BORA: variants seen among roughly 807,000 people sequenced by gnomAD.
The protein encoded by BORA is BORA aurora kinase A activator, also known as protein aurora borealis.
BORA carries 26 observed loss-of-function variants against 55.8 expected under a neutral mutation model. The observed-to-expected ratio is 0.47, with a 90% CI of 0.34 to 0.65. The LOEUF (loss-of-function observed/expected upper bound fraction) is 0.65, where lower values mean the gene tolerates loss of function less well. Ranked by LOEUF, BORA falls within the 30% of genes least tolerant of loss-of-function variation. The pLI is 0.01. For synonymous variants in BORA, 201 were observed against 216.9 expected, an observed-to-expected ratio of 0.93 and a Z score of 0.64; for missense variants, 568 against 671.5, an observed-to-expected ratio of 0.85 and a Z score of 1.70.
At chr13:72,729,875 T>C (rs900761657) in intron 2 of BORA, among the ~76,000 whole-genome samples, 1 of 152,150 alleles carries the variant, frequency 6.6e-6, no homozygotes, top group African/African-American at 2.4e-5. Flanking sequence ...GGCAGTGTGA[T>C]AGGTGATATG....
chr13:72,739,795 A>G (rs907332481), intron 5 of BORA, among the ~76,000 whole-genome samples: 30 of 152,184 alleles, frequency 2.0e-4, no homozygotes, highest in Admixed American at 8.5e-4. Context: ...TTTATTACTT[A>G]CAAGTCCTAG....
chr13:72,753,427 G>T (rs1030081589), intron 10 of BORA: 2 of 275,390 alleles, frequency 7.3e-6, no homozygotes, highest in African/African-American at 2.2e-5. Context: ...GGAAAGCATT[G>T]TGTCAGTAGG....
Position 72,751,123 on chromosome 13 carries a change from G to T in BORA, c.1483-2567G>T, listed in dbSNP as rs1371227415. The stretch of plus-strand genomic sequence containing the variant: ...ATTACAGGATATTAGCATGATCATT[G>T]TGATTAATATAAGTAAACAGTGCCT... On this transcript the variant is annotated intron_variant, in intron 10 of 11. Transcript: ENST00000390667. Among the ~76,000 whole-genome samples, 4 of 152,136 alleles carry T rather than the reference G, an allele frequency of 2.6e-5. No homozygotes were observed. In the East Asian group the frequency reaches 7.7e-4, roughly 29 times the overall value.
intron 8 of BORA, 75 bp downstream of exon 8, chr13:72,745,282 T>C (rs2033118217): frequency 1.5e-6 from 2 of 1,291,722 alleles, no homozygotes; most frequent in South Asian, 2.6e-5. Context: ...TGTTCTATCT[T>C]AGGCTTTCAG....
In BORA at chr13:72,731,316, A is replaced by T; in HGVS notation, c.189A>T (p.Leu63=). The change falls in exon 3 of 12, where the codon CTA becomes CTT. Residue 63 remains leucine (L), a synonymous_variant. Transcript: ENST00000390667. ...PGKFRWSIDQ[L]AVINPVEIDP... is the part of the protein sequence containing the mutation. ...AATTTAGATGGTCTATTGATCAACT[A>T]GCTGTAATAAATCCTGTAGAAATAG... The T allele has an allele frequency of 3.1e-6, 5 of 1,612,464 alleles. No individual in the cohort carries two copies. The highest frequency in any genetic ancestry group is 4.2e-6 in the Non-Finnish European group (5 of 1,179,010).
intron 10 of BORA, among the ~76,000 whole-genome samples, chr13:72,751,503 A>G (rs1292253812): frequency 9.9e-5 from 15 of 152,248 alleles, no homozygotes; most frequent in Admixed American, 9.8e-4. Context: ...ACAGAAAGAT[A>G]AATACCACAT....
intron 6 of BORA, 30 bp from the exon 7 acceptor site, chr13:72,744,475 G>C: frequency 1.3e-6 from 2 of 1,589,574 alleles, no homozygotes; most frequent in South Asian, 1.1e-5. Flanking sequence ...TCCCATGTTT[G>C]AATTTGTTTA....
chr13:72,729,939 G>C (rs1196599671), intron 2 of BORA, among the ~76,000 whole-genome samples: 2 of 151,800 alleles, frequency 1.3e-5, no homozygotes, highest in Non-Finnish European at 2.9e-5. Flanking sequence ...CAGGATATTA[G>C]AAAAGGCTTC....
chr13:72,729,960 CT>C (rs777576799), intron 2 of BORA, among the ~76,000 whole-genome samples: 410 of 141,938 alleles, frequency 2.9e-3, no homozygotes, highest in Non-Finnish European at 2.7e-3. Flanking sequence ...ATCACTTTAT[CT>C]TTTTTTTTTT....
At position 72,743,631 on chromosome 13, in the gene BORA, G is replaced by A. The variant is rs527874501; in HGVS notation, c.454+29G>A. The stretch of plus-strand genomic sequence containing the variant: ...AGTATGAACACAATTTGAAAAGAAG[G>A]ATGTTCCATATTAAGCTACATTGAA... On this transcript the variant is annotated intron_variant, in intron 6 of 11. Coordinates refer to ENST00000390667, the MANE Select transcript of BORA (RefSeq NM_024808.5). 4 of 1,551,888 alleles carry A rather than the reference G, an allele frequency of 2.6e-6. No individual in the cohort carries two copies. In the African/African-American group the frequency reaches 5.5e-5, roughly 21 times the overall value.
chr13:72,747,758 C>T (rs1010759373), intron 10 of BORA, among the ~76,000 whole-genome samples: 1 of 152,124 alleles, frequency 6.6e-6, no homozygotes, highest in Non-Finnish European at 1.5e-5. Context: ...GTCTCGAACT[C>T]ATGACCTCAG....
chr13:72,728,370 A>T, intron 1 of BORA: 1 of 599,242 alleles, frequency 1.7e-6, no homozygotes, highest in Non-Finnish European at 3.0e-6. Context: ...AGGAAAGGGG[A>T]CCCCAGGCAG....
intron 1 of BORA, among the ~76,000 whole-genome samples, chr13:72,728,538 A>G (rs998841191): frequency 2.0e-5 from 3 of 152,248 alleles, no homozygotes; most frequent in African/African-American, 7.2e-5. Context: ...GTGTTGAGAC[A>G]TGAGATGATG....
intron 1 of BORA, 70 bp downstream of exon 1, chr13:72,728,077 T>A: frequency 1.3e-6 from 2 of 1,543,140 alleles, no homozygotes; most frequent in Non-Finnish European, 1.8e-6. Flanking sequence ...TCCCAGCTCC[T>A]GACTTGCCTG....
chr13:72,740,097 T>C (rs1278372926), intron 5 of BORA, among the ~76,000 whole-genome samples: 1 of 152,024 alleles, frequency 6.6e-6, no homozygotes, highest in Non-Finnish European at 1.5e-5. Context: ...AAGGCAGATA[T>C]CTGGATCAAC....
intron 10 of BORA, among the ~76,000 whole-genome samples, chr13:72,747,692 C>A (rs998558560): frequency 6.6e-6 from 1 of 151,928 alleles, no homozygotes; most frequent in Non-Finnish European, 1.5e-5. Context: ...CGTCACCACA[C>A]CTGGCTAATT....
chr13:72,730,184 G>A (rs1411378029), intron 2 of BORA, among the ~76,000 whole-genome samples: 1 of 152,134 alleles, frequency 6.6e-6, no homozygotes, highest in Admixed American at 6.5e-5. Context: ...TAGAAAAACT[G>A]CAAATAGGGT....
chr13:72,729,037 A>C lies in BORA; in HGVS notation c.97A>C (p.Asn33His). ...NPFESPSDYS[N>H]LHEQTLASPS... Reference sequence around the variant, plus strand: ...TTTTGAAAGTCCTAGTGATTATTCTAATCTCCATGAACAAACTCTCGCCAG... The same window carrying C: ...TTTTGAAAGTCCTAGTGATTATTCTCATCTCCATGAACAAACTCTCGCCAG... The change falls in exon 2 of 12, where the codon AAT (asparagine) becomes CAT (histidine). Residue 33 changes from asparagine (N) to histidine (H), a missense_variant. By Grantham distance (68) the Asn-to-His change is moderately conservative (BLOSUM62 1). Transcript: ENST00000390667. The C allele has an allele frequency of 6.2e-7, 1 of 1,602,658 alleles. No homozygotes were observed. Among genetic ancestry groups the C allele is most frequent in the Non-Finnish European group, 8.5e-7 (1 of 1,176,400 alleles).
In BORA at chr13:72,734,957, T is replaced by C; in HGVS notation, c.261-3T>C. 1 of 1,564,992 alleles carries C rather than the reference T, an allele frequency of 6.4e-7. No individual in the cohort carries two copies. The highest frequency in any genetic ancestry group is 1.1e-5 in the South Asian group (1 of 89,378). ...GTTATTTTTCTTCTTTATCTTTGTA[T>C]AGAATAGATAAAGATGTGGAAGACA... On this transcript the variant is annotated splice_polypyrimidine_tract_variant and splice_region_variant and intron_variant, in intron 3 of 11. Transcript: ENST00000390667.
Sources: gnomAD v4.1 joint callset for allele counts (sites outside exome capture counted in the v4.1 genomes callset) on GRCh38, gnomAD v4.1.1 for gene constraint, MANE v1.5 for transcripts, NCBI Gene and HGNC (gene_info 2026-07-23, HGNC 2026-07-21) for gene names.